The following PLPP7 variants were observed in gnomAD, a reference collection of about 807,000 sequenced individuals.
PLPP7 encodes inactive phospholipid phosphatase 7.
In PLPP7, 11 loss-of-function variants were observed where a neutral mutation model predicts 16.9. The observed-to-expected ratio is 0.65, with a 90% CI of 0.41 to 1.08. The LOEUF is 1.08. PLPP7 is among the 50% of genes least tolerant of loss of function. The pLI is 0.00. For missense variants in PLPP7, 358 were observed against 397.1 expected (o/e 0.90, Z 0.84); for synonymous variants, 174 against 175.1 (o/e 0.99, Z 0.05).
In PLPP7 at chr9:131,290,600, G is replaced by A. The variant is rs541873275; in HGVS notation, c.451+152G>A. 133 of 693,534 alleles carry A rather than the reference G, an allele frequency of 1.9e-4. No individual in the cohort carries two copies. Among genetic ancestry groups the A allele is most frequent in the Non-Finnish European group, 2.5e-4 (114 of 455,852 alleles). The allele number at this position is 693,534 out of a possible 1,614,324, so 43.0% of individuals were successfully genotyped here. Reference sequence around the variant, plus strand: ...GGCAGGAAGGGTGCCCCAGAAACAGGCAGGCTCCGGCGTGGGGGAGCGACA... The same window carrying A: ...GGCAGGAAGGGTGCCCCAGAAACAGACAGGCTCCGGCGTGGGGGAGCGACA... On this transcript the variant is annotated intron_variant, in intron 1 of 1. Coordinates refer to ENST00000372264, the MANE Select transcript of PLPP7 (RefSeq NM_032728.4). This position sits in a 1 kb window ranked among gnomAD's most constrained non-coding sequence, Gnocchi z 4.2.
In PLPP7 at chr9:131,289,913, C is replaced by A; in HGVS notation, c.-85C>A. On this transcript the variant is annotated 5_prime_UTR_variant, in exon 1 of 2. Coordinates refer to ENST00000372264, the MANE Select transcript of PLPP7 (RefSeq NM_032728.4). ...GAAGGCAGGGAGGCAGCCACGGTGG[C>A]GGCTCTGGGGGCAGCTCTTGTCTTC... 1.7e-6 allele frequency: 2 copies of A among 1,163,676 alleles called. No individual in the cohort carries two copies. Among genetic ancestry groups the A allele is most frequent in the Non-Finnish European group, 2.2e-6 (2 of 895,586 alleles). The allele number at this position is 1,163,676 out of a possible 1,614,324, so 72.1% of individuals were successfully genotyped here.
intron 1 of PLPP7, 42 bp from the exon 2 acceptor site, chr9:131,307,881 G>T: frequency 6.6e-7 from 1 of 1,520,652 alleles, no homozygotes; most frequent in Non-Finnish European, 8.8e-7. Context: ...GGGCCTGGCT[G>T]GTGGCCCTGA....
chr9:131,301,789 C>T (rs957894959), intron 1 of PLPP7, among the ~76,000 whole-genome samples: 2 of 150,286 alleles, frequency 1.3e-5, no homozygotes, highest in Non-Finnish European at 3.0e-5. Context: ...TAGACCAAGG[C>T]GCTGAGAGGG....
chr9:131,306,299 T>C (rs1835851863), intron 1 of PLPP7, among the ~76,000 whole-genome samples: 1 of 151,962 alleles, frequency 6.6e-6, no homozygotes, highest in South Asian at 2.1e-4. Flanking sequence ...CCCAGCACTT[T>C]GGGAGGCCAA....
Position 131,291,100 on chromosome 9 carries a change from A to C in PLPP7, c.451+652A>C, listed in dbSNP as rs767478705. 7.3e-6 allele frequency: 10 copies of C among 1,366,394 alleles called. No homozygotes were observed. The South Asian group carries it at 1.0e-4, about 14-fold the overall frequency. 84.6% of individuals were successfully genotyped at this position (1,366,394 alleles called of 1,614,324 possible). On this transcript the variant is annotated intron_variant, in intron 1 of 1. Transcript: ENST00000372264. ...TTTGTTTGCAAAGTCTTTGCCACCA[A>C]TGTCTTGCAGATTAGCACCGCCCTG... is the stretch of plus-strand genomic sequence containing the variant.
rs370003945 is a variant in PLPP7, at chr9:131,292,105, C to T, written c.451+1657C>T. Among the ~76,000 whole-genome samples the T allele has an allele frequency of 2.2e-4, 34 of 152,254 alleles. No individual in the cohort carries two copies. In the East Asian group the frequency reaches 4.8e-3, roughly 22 times the overall value. On this transcript the variant is annotated intron_variant, in intron 1 of 1. Transcript: ENST00000372264. ...GCTCTTCCAGGTGCTGTGCCATGGG[C>T]GTGGGAGGGAGGGACAGAGCAAAGT...
intron 1 of PLPP7, chr9:131,292,828 T>G (rs1457319097): frequency 2.0e-6 from 2 of 985,166 alleles, no homozygotes; most frequent in African/African-American, 1.7e-5. Context: ...CCCCAAACAT[T>G]GAAAAATTTG....
intron 1 of PLPP7, chr9:131,291,252 C>A: frequency 7.5e-7 from 1 of 1,332,288 alleles, no homozygotes; most frequent in Non-Finnish European, 1.0e-6. Context: ...GAAGCTTCCA[C>A]CCTCCACGCC....
At chr9:131,293,907 A>C (rs537287971) in intron 1 of PLPP7, among the ~76,000 whole-genome samples, 60 of 152,298 alleles carry the variant, frequency 3.9e-4, no homozygotes, top group African/African-American at 1.4e-3. Context: ...GCACTCAGCT[A>C]ACCCCCAGGG....
intron 1 of PLPP7, among the ~76,000 whole-genome samples, chr9:131,306,027 G>A (rs1835848249): frequency 6.6e-6 from 1 of 151,380 alleles, no homozygotes; most frequent in African/African-American, 2.4e-5. Context: ...CGCGAGGTCA[G>A]GAGATCGAGA....
At chr9:131,298,377 C>A (rs1835758611) in intron 1 of PLPP7, among the ~76,000 whole-genome samples, 1 of 152,288 alleles carries the variant, frequency 6.6e-6, no homozygotes, top group African/African-American at 2.4e-5. Context: ...CTCCTCCCAA[C>A]CCAGCCGGAG....
chr9:131,300,803 A>T (rs1223577740), intron 1 of PLPP7, among the ~76,000 whole-genome samples: 2 of 150,968 alleles, frequency 1.3e-5, no homozygotes, highest in Non-Finnish European at 2.9e-5. Flanking sequence ...TGAGGCACCC[A>T]GCCCTCCTTG....
chr9:131,293,860 G>A (rs1486980757), intron 1 of PLPP7, among the ~76,000 whole-genome samples: 2 of 152,116 alleles, frequency 1.3e-5, no homozygotes, highest in Non-Finnish European at 2.9e-5. Flanking sequence ...GGGGGAGGGA[G>A]CCCTACCTAG....
At chr9:131,305,164 C>T (rs1835839939) in intron 1 of PLPP7, among the ~76,000 whole-genome samples, 1 of 152,224 alleles carries the variant, frequency 6.6e-6, no homozygotes, top group Admixed American at 6.5e-5. Flanking sequence ...AAAACAGGCA[C>T]TCGGCAAACA....
At chr9:131,303,982 G>C (rs1564248471) in intron 1 of PLPP7, among the ~76,000 whole-genome samples, 1 of 152,154 alleles carries the variant, frequency 6.6e-6, no homozygotes, top group African/African-American at 2.4e-5. Context: ...GCTTGCAGGA[G>C]CTGTGACCTC....
In PLPP7 at chr9:131,289,958, C is replaced by G; in HGVS notation, c.-40C>G. 1 of 1,377,436 alleles carries G rather than the reference C, an allele frequency of 7.3e-7. No homozygotes were observed. 85.3% of individuals were successfully genotyped at this position (1,377,436 alleles called of 1,614,324 possible). A position where few individuals can be genotyped will look rare whatever the true frequency, so the allele number is the denominator to read the frequency against. Reference sequence around the variant, plus strand: ...GTCTTCGGGGAGAAGGCCCTTGGAGCCGGGCTGGCATCGGCCTTCTCGGGG... The same window carrying G: ...GTCTTCGGGGAGAAGGCCCTTGGAGGCGGGCTGGCATCGGCCTTCTCGGGG... On this transcript the variant is annotated 5_prime_UTR_variant, in exon 1 of 2. Coordinates refer to ENST00000372264, the MANE Select transcript of PLPP7 (RefSeq NM_032728.4).
chr9:131,291,127 G>A, intron 1 of PLPP7: 1 of 1,366,484 alleles, frequency 7.3e-7, no homozygotes. Context: ...ACCGCCCTGT[G>A]CCAGGTGCCA....
intron 1 of PLPP7, among the ~76,000 whole-genome samples, chr9:131,304,409 C>T (rs1022798010): frequency 2.6e-5 from 4 of 152,128 alleles, no homozygotes; most frequent in African/African-American, 7.2e-5. Flanking sequence ...CGGAGGTGGG[C>T]AGATCCCTTG....
In PLPP7 at chr9:131,308,368, G is replaced by A; in HGVS notation, c.*81G>A. On this transcript the variant is annotated 3_prime_UTR_variant, in exon 2 of 2. Transcript: ENST00000372264. ...CAGGGGGTGGCGAGGTGGCGGGCGTGGGTGGAACAGAGCGGCCAGGAGTCA... is the reference window on the plus strand; with the variant it reads ...CAGGGGGTGGCGAGGTGGCGGGCGTAGGTGGAACAGAGCGGCCAGGAGTCA... 6.8e-7 allele frequency: 1 copy of A among 1,470,590 alleles called. No homozygotes were observed. The highest frequency in any genetic ancestry group is 2.5e-5 in the East Asian group (1 of 40,586). The allele number at this position is 1,470,590 out of a possible 1,614,324, so 91.1% of individuals were successfully genotyped here. A position where few individuals can be genotyped will look rare whatever the true frequency, so the allele number is the denominator to read the frequency against.
Sources: gnomAD v4.1 joint callset for allele counts (sites outside exome capture counted in the v4.1 genomes callset) on GRCh38, gnomAD v4.1.1 for gene constraint, Gnocchi (gnomAD v3.1) non-coding constraint, MANE v1.5 for transcripts, NCBI Gene and HGNC (gene_info 2026-07-23, HGNC 2026-07-21) for gene names.